Variants in ASXL3 observed in about 807,000 individuals in gnomAD.
ASXL3 encodes the protein putative Polycomb group protein ASXL3.
Under a neutral mutation model 170.6 loss-of-function variants are expected in ASXL3, and 34 were observed. That is an observed-to-expected ratio of 0.20 (90% CI 0.15 to 0.27). The LOEUF (loss-of-function observed/expected upper bound fraction) is 0.27. ASXL3 is among the 10% of genes least tolerant of loss of function. ASXL3 has a pLI of 1.00. For synonymous variants in ASXL3, 1,002 were observed against 989.1 expected, an observed-to-expected ratio of 1.01 and a Z score of -0.24; for missense variants, 2,592 against 2,695.3, an observed-to-expected ratio of 0.96 and a Z score of 0.85.
chr18:33,711,821 A>G (rs1283686731), intron 8 of ASXL3, among the ~76,000 whole-genome samples: 1 of 152,166 alleles, frequency 6.6e-6, no homozygotes, highest in Non-Finnish European at 1.5e-5. Context: ...TCACACTCTT[A>G]CATTTTTGGT....
chr18:33,664,429 A>G (rs901045787), intron 5 of ASXL3, among the ~76,000 whole-genome samples: 1 of 152,294 alleles, frequency 6.6e-6, no homozygotes, highest in East Asian at 1.9e-4. Context: ...TTCTGAACAC[A>G]GGCTGCTTAT....
At chr18:33,705,805 G>T (rs769567472) in intron 8 of ASXL3, among the ~76,000 whole-genome samples, 21 of 151,866 alleles carry the variant, frequency 1.4e-4, no homozygotes, top group Non-Finnish European at 2.8e-4. Context: ...ACAGCTTAAT[G>T]ATTTTTTCTA....
chr18:33,632,452 A>T (rs955526848), intron 2 of ASXL3, among the ~76,000 whole-genome samples: 2 of 152,152 alleles, frequency 1.3e-5, no homozygotes, highest in African/African-American at 4.8e-5. Context: ...ATGCATGTAC[A>T]TATCTGAATT....
At chr18:33,670,050 G>A (rs938451017) in intron 5 of ASXL3, among the ~76,000 whole-genome samples, 27 of 152,054 alleles carry the variant, frequency 1.8e-4, no homozygotes, top group African/African-American at 6.5e-4. Context: ...TCATGTTCGT[G>A]TTCTGAAGGT....
intron 2 of ASXL3, among the ~76,000 whole-genome samples, chr18:33,636,049 A>T (rs981134553): frequency 1.3e-5 from 2 of 152,206 alleles, no homozygotes; most frequent in African/African-American, 4.8e-5. Context: ...CATGAGAGAT[A>T]TGCAAAGTAT....
At chr18:33,727,048 T>A (rs2067364023) in intron 8 of ASXL3, among the ~76,000 whole-genome samples, 1 of 152,198 alleles carries the variant, frequency 6.6e-6, no homozygotes, top group African/African-American at 2.4e-5. Flanking sequence ...AGGCTCATCC[T>A]GATACCCTAT....
In ASXL3 at chr18:33,647,826, T is replaced by G. The variant is rs1400462220; in HGVS notation, c.355+1473T>G. ...TATCTAAAATGTATAGGTTATTCAG[T>G]GGTGACAAGTGATATGGGGCAAAAT... On this transcript the variant is annotated intron_variant, in intron 4 of 11. Transcript: ENST00000269197. 2.0e-5 allele frequency among the ~76,000 whole-genome samples: 3 copies of G among 151,874 alleles called. No individual in the cohort carries two copies. The East Asian group carries it at 5.8e-4, about 29-fold the overall frequency.
chr18:33,662,742 T>A (rs1206796671), intron 5 of ASXL3, among the ~76,000 whole-genome samples: 1 of 152,186 alleles, frequency 6.6e-6, no homozygotes, highest in Non-Finnish European at 1.5e-5. Flanking sequence ...CACCCATTGA[T>A]GACCTTTACC....
intron 7 of ASXL3, among the ~76,000 whole-genome samples, 188 bp from the exon 8 acceptor site, chr18:33,683,213 AAGAC>A (rs745372460): frequency 9.9e-5 from 15 of 152,214 alleles, no homozygotes; most frequent in Non-Finnish European, 1.9e-4. Flanking sequence ...AAGATAACTG[AAGAC>A]AGACAGACAC....
intron 8 of ASXL3, among the ~76,000 whole-genome samples, chr18:33,726,228 C>A (rs1306519123): frequency 1.3e-5 from 2 of 152,178 alleles, no homozygotes; most frequent in East Asian, 3.9e-4. Context: ...CACATTTAAT[C>A]TATCATCAAA....
intron 1 of ASXL3, among the ~76,000 whole-genome samples, chr18:33,584,228 G>T (rs556637798): frequency 2.6e-4 from 39 of 152,220 alleles, no homozygotes; most frequent in Non-Finnish European, 4.6e-4. Flanking sequence ...TTCAGGGGGT[G>T]ATGAGTGGAG....
intron 2 of ASXL3, among the ~76,000 whole-genome samples, chr18:33,624,286 T>A (rs955543582): frequency 6.6e-6 from 1 of 152,150 alleles, no homozygotes; most frequent in Non-Finnish European, 1.5e-5. Context: ...GGATCTTATT[T>A]GTAACTCAGC....
intron 3 of ASXL3, among the ~76,000 whole-genome samples, 160 bp from the exon 4 acceptor site, chr18:33,646,085 T>G (rs2065909340): frequency 6.6e-6 from 1 of 152,020 alleles, no homozygotes; most frequent in East Asian, 1.9e-4. Flanking sequence ...ACCCAGTTTT[T>G]TTTTTTAATG....
chr18:33,690,772 T>C (rs1231669973), intron 8 of ASXL3, among the ~76,000 whole-genome samples: 6 of 152,190 alleles, frequency 3.9e-5, no homozygotes, highest in African/African-American at 1.2e-4. Context: ...TTGGCCACCA[T>C]ACCTTTGCCA....
chr18:33,654,241 T>C (rs924034230), intron 4 of ASXL3, among the ~76,000 whole-genome samples: 5 of 152,088 alleles, frequency 3.3e-5, no homozygotes, highest in African/African-American at 1.2e-4. Context: ...GATCTCATAA[T>C]AAAACAACAA....
chr18:33,605,460 T>G (rs553865229), intron 1 of ASXL3: 1 of 152,366 alleles, frequency 6.6e-6, no homozygotes, highest in East Asian at 1.9e-4. Context: ...TCTGGTGTTT[T>G]GTGTGGCTTC....
chr18:33,700,582 G>T (rs2066855080), intron 8 of ASXL3, among the ~76,000 whole-genome samples: 1 of 152,066 alleles, frequency 6.6e-6, no homozygotes, highest in African/African-American at 2.4e-5. Context: ...GAAAGAGAAT[G>T]AAGTTTGAAA....
chr18:33,617,378 C>T (rs969480988), intron 2 of ASXL3, among the ~76,000 whole-genome samples: 2 of 152,078 alleles, frequency 1.3e-5, no homozygotes, highest in African/African-American at 4.8e-5. Flanking sequence ...GTAATCCCAG[C>T]TACTCTGGAG....
chr18:33,689,661 C>G (rs1048762472), intron 8 of ASXL3, among the ~76,000 whole-genome samples: 17 of 152,192 alleles, frequency 1.1e-4, no homozygotes, highest in Admixed American at 9.2e-4. Flanking sequence ...TTCTTGCATC[C>G]TGTTAGGTGG....
Sources: allele counts gnomAD v4.1 joint callset (sites outside exome capture counted in the v4.1 genomes callset), GRCh38; gene constraint gnomAD v4.1.1; transcripts MANE v1.5; gene names NCBI Gene and HGNC (gene_info 2026-07-23, HGNC 2026-07-21).